Variants in MACO1 observed in about 807,000 individuals in gnomAD.
MACO1 encodes macoilin 1.
A neutral mutation model predicts 78.7 loss-of-function variants in MACO1; 14 were observed. That is an observed-to-expected ratio of 0.18 (90% CI 0.12 to 0.28). MACO1 has a LOEUF of 0.28. MACO1 is among the 10% of genes least tolerant of loss of function. MACO1 has a pLI of 1.00. For missense variants in MACO1, 501 were observed against 799.0 expected (o/e 0.63, Z 4.50); for synonymous variants, 288 against 291.6 (o/e 0.99, Z 0.12).
chr1:25,470,078 A>G (rs1427073123), intron 6 of MACO1, among the ~76,000 whole-genome samples: 1 of 152,204 alleles, frequency 6.6e-6, no homozygotes, highest in Non-Finnish European at 1.5e-5. Context: ...AATAGAAAGG[A>G]CTATATTTTT....
chr1:25,456,244 C>T (rs190103939), intron 4 of MACO1, among the ~76,000 whole-genome samples: 32 of 145,722 alleles, frequency 2.2e-4, no homozygotes, highest in African/African-American at 7.1e-4. Context: ...GGCAACAGAG[C>T]GAGACTCCAT....
chr1:25,473,832 T>C (rs574671671), intron 6 of MACO1, among the ~76,000 whole-genome samples: 1 of 152,362 alleles, frequency 6.6e-6, no homozygotes, highest in African/African-American at 2.4e-5. Context: ...ACCTCTTAGA[T>C]CTTTAAAACC....
chr1:25,481,430 CAG>C (rs1415565353), intron 6 of MACO1, among the ~76,000 whole-genome samples: 1 of 152,124 alleles, frequency 6.6e-6, no homozygotes, highest in Non-Finnish European at 1.5e-5. Context: ...TGTGCAGGGT[CAG>C]AGAGTTGGCG....
At position 25,485,515 on chromosome 1, in the gene MACO1, T is replaced by G. The variant is rs1484766172; in HGVS notation, c.1314-98T>G. 2.4e-6 allele frequency: 3 copies of G among 1,263,146 alleles called. No homozygotes were observed. In the East Asian group the frequency reaches 7.1e-5, roughly 30 times the overall value. 78.2% of individuals were successfully genotyped at this position (1,263,146 alleles called of 1,614,324 possible). A position where few individuals can be genotyped will look rare whatever the true frequency, so the allele number is the denominator to read the frequency against. On this transcript the variant is annotated intron_variant, in intron 7 of 10. Transcript: ENST00000374343. This position sits in a 1 kb window ranked among gnomAD's most constrained non-coding sequence, Gnocchi z 4.3. ...TTTTTGATTTGCTGTTCAAACCTCC[T>G]GTTTAATTGGCCTTAAGGTGATAAA...
chr1:25,465,589 T>C (rs2043211520), intron 6 of MACO1, among the ~76,000 whole-genome samples: 1 of 152,232 alleles, frequency 6.6e-6, no homozygotes, highest in South Asian at 2.1e-4. Context: ...TCTGTGCATC[T>C]TTTTTTGGTG....
At position 25,448,705 on chromosome 1, in the gene MACO1, T is replaced by A. The variant is rs557002747; in HGVS notation, c.223-103T>A. 4.5e-6 allele frequency: 5 copies of A among 1,100,484 alleles called. No homozygotes were observed. In the East Asian group the frequency reaches 1.3e-4, roughly 28 times the overall value. 68.2% of individuals were successfully genotyped at this position (1,100,484 alleles called of 1,614,324 possible). Reference sequence around the variant, plus strand: ...TGCTTTACAGTTACCAAGTTATCTCTTAGCAGTTTCAATAATTTTGTCCAA... The same window carrying A: ...TGCTTTACAGTTACCAAGTTATCTCATAGCAGTTTCAATAATTTTGTCCAA... On this transcript the variant is annotated intron_variant, in intron 2 of 10. Transcript: ENST00000374343.
intron 6 of MACO1, among the ~76,000 whole-genome samples, chr1:25,476,880 C>T (rs2043325503): frequency 6.6e-6 from 1 of 152,210 alleles, no homozygotes; most frequent in Non-Finnish European, 1.5e-5. Flanking sequence ...AGATAGGTTT[C>T]CAGAGCCTCT....
Position 25,498,606 on chromosome 1 carries a change from A to G in MACO1, c.*140A>G, listed in dbSNP as rs2043558618. ...GTTGTCATTTTTAAAAAGGGGGGAA[A>G]AGATAACATCCAAGTCTGATTAGAA... On this transcript the variant is annotated 3_prime_UTR_variant, in exon 11 of 11. Coordinates refer to ENST00000374343, the MANE Select transcript of MACO1 (RefSeq NM_018202.6). 2 of 787,286 alleles carry G rather than the reference A, an allele frequency of 2.5e-6. No individual in the cohort carries two copies. Among genetic ancestry groups the G allele is most frequent in the African/African-American group, 1.7e-5 (1 of 57,458 alleles). The allele number at this position is 787,286 out of a possible 1,614,324, so 48.8% of individuals were successfully genotyped here.
chr1:25,442,050 G>A (rs1202997569), intron 1 of MACO1, among the ~76,000 whole-genome samples: 3 of 152,212 alleles, frequency 2.0e-5, no homozygotes, highest in Non-Finnish European at 4.4e-5. Flanking sequence ...TGCGCAAGTA[G>A]CCTAGGGATC....
chr1:25,483,050 GTTTGTTT>G (rs1193896125), intron 6 of MACO1, among the ~76,000 whole-genome samples: 1 of 152,026 alleles, frequency 6.6e-6, no homozygotes, highest in Non-Finnish European at 1.5e-5. Flanking sequence ...GTTTTCGTTT[GTTTGTTT>G]TTTGTTTTTT....
chr1:25,482,014 A>G (rs902577037), intron 6 of MACO1, among the ~76,000 whole-genome samples: 1 of 152,194 alleles, frequency 6.6e-6, no homozygotes, highest in African/African-American at 2.4e-5. Flanking sequence ...TTTATTGAGT[A>G]AGCGTTGATC....
chr1:25,491,945 A>G (rs745475864), intron 10 of MACO1, among the ~76,000 whole-genome samples: 8 of 152,174 alleles, frequency 5.3e-5, no homozygotes, highest in Admixed American at 2.6e-4. Flanking sequence ...AGTCTGGGGA[A>G]TTGGAGAGGG....
intron 6 of MACO1, among the ~76,000 whole-genome samples, chr1:25,468,444 A>T (rs1278211462): frequency 6.6e-6 from 1 of 152,196 alleles, no homozygotes; most frequent in Non-Finnish European, 1.5e-5. Context: ...CTGGTTCCTC[A>T]TTCTTGCTTC....
intron 7 of MACO1, 81 bp downstream of exon 7, chr1:25,484,355 T>G: frequency 7.0e-7 from 1 of 1,428,402 alleles, no homozygotes; most frequent in East Asian, 2.4e-5. Flanking sequence ...GAGCACAAGA[T>G]TTATGGTGAC....
intron 1 of MACO1, among the ~76,000 whole-genome samples, chr1:25,437,298 C>CTTTTTTTTTTTTTTTTTTT (rs1173305681): frequency 1.5e-5 from 1 of 65,882 alleles, no homozygotes. Flanking sequence ...CCATGCCTGG[C>CTTTTTTTTTTTTTTTTTTT]TTTTTTTTTT....
Position 25,446,897 on chromosome 1 carries a change from G to A in MACO1, c.216G>A (p.Gln72=). ...IRSVYDSFRY[Q]GLAFSVFFVC... ...GCGTCTATGATTCCTTCAGATACCA[G>A]GGACTGGTATGTCTGGTAATACATG... The change falls in exon 2 of 11, where the codon CAG becomes CAA. Residue 72 remains glutamine, a synonymous_variant. Transcript: ENST00000374343. 1 of 1,612,520 alleles carries A rather than the reference G, an allele frequency of 6.2e-7. No individual in the cohort carries two copies. The highest frequency in any genetic ancestry group is 8.5e-7 in the Non-Finnish European group (1 of 1,179,540).
chr1:25,435,262 G>T (rs1160772047), intron 1 of MACO1, among the ~76,000 whole-genome samples: 1 of 152,048 alleles, frequency 6.6e-6, no homozygotes, highest in Non-Finnish European at 1.5e-5. Context: ...GTAGTGCTGT[G>T]TGAAGCTTAG....
rs182939762 is a variant in MACO1 at position 25,452,943 on chromosome 1, C to T, written c.350-1316C>T. Among the ~76,000 whole-genome samples, 5 of 151,776 alleles carry T rather than the reference C, an allele frequency of 3.3e-5. 1 individual carries two copies. The East Asian group carries it at 9.7e-4, about 30-fold the overall frequency. On this transcript the variant is annotated intron_variant, in intron 3 of 10. Coordinates refer to ENST00000374343, the MANE Select transcript of MACO1 (RefSeq NM_018202.6). ...AACTCCTGACCTCGTGATCCACCCA[C>T]CTTGGCCTCCCAAAGTGCTGGGATT...
chr1:25,448,609 C>T (rs907457847), intron 2 of MACO1, among the ~76,000 whole-genome samples, 199 bp from the exon 3 acceptor site: 57 of 152,150 alleles, frequency 3.7e-4, no homozygotes, highest in Non-Finnish European at 5.1e-4. Context: ...TACTAGTATT[C>T]TTTAATGTTA....
Sources: allele counts gnomAD v4.1 joint callset (sites outside exome capture counted in the v4.1 genomes callset), GRCh38; gene constraint gnomAD v4.1.1; non-coding constraint Gnocchi (gnomAD v3.1); transcripts MANE v1.5; gene names NCBI Gene and HGNC (gene_info 2026-07-23, HGNC 2026-07-21).